BBS9: variants seen among roughly 807,000 people sequenced by gnomAD.
BBS9 encodes protein PTHB1.
A neutral mutation model predicts 117.7 loss-of-function variants in BBS9; 89 were observed. The ratio of observed to expected loss-of-function variants is 0.76; its 90% CI spans 0.64 to 0.90. The LOEUF is 0.90. Ranked by LOEUF, BBS9 falls within the 40% of genes least tolerant of loss-of-function variation. BBS9 has a pLI of 0.00. For synonymous variants in BBS9, 379 were observed against 370.9 expected, an observed-to-expected ratio of 1.02 and a Z score of -0.25; for missense variants, 982 against 1,042.2, an observed-to-expected ratio of 0.94 and a Z score of 0.80.
chr7:33,565,821 A>AC (rs1856813586), intron 21 of BBS9, among the ~76,000 whole-genome samples: 1 of 54,558 alleles, frequency 1.8e-5, no homozygotes, highest in African/African-American at 2.4e-4. Context: ...ATATATATAT[A>AC]TATATACCGC....
chr7:33,330,474 A>G (rs1014813295), intron 9 of BBS9, among the ~76,000 whole-genome samples: 2 of 152,124 alleles, frequency 1.3e-5, no homozygotes, highest in Non-Finnish European at 2.9e-5. Context: ...TTAAAATTTT[A>G]ATGTAGTTTA....
chr7:33,362,705 A>AGC (rs1217525306), intron 16 of BBS9, among the ~76,000 whole-genome samples: 1 of 152,136 alleles, frequency 6.6e-6, no homozygotes, highest in Non-Finnish European at 1.5e-5. Context: ...TAATTTCTCC[A>AGC]ACTTTATTCT....
intron 21 of BBS9, among the ~76,000 whole-genome samples, chr7:33,622,553 C>A (rs1865461297): frequency 6.6e-6 from 1 of 152,076 alleles, no homozygotes; most frequent in African/African-American, 2.4e-5. Context: ...ACTTTGTATA[C>A]CGTAAATATA....
At chr7:33,238,821 A>G (rs1006339934) in intron 5 of BBS9, among the ~76,000 whole-genome samples, 2 of 152,158 alleles carry the variant, frequency 1.3e-5, no homozygotes, top group Non-Finnish European at 2.9e-5. Flanking sequence ...TATTGTGAGC[A>G]TTTCCCCAAG....
At chr7:33,495,848 G>A (rs73688885) in intron 19 of BBS9, among the ~76,000 whole-genome samples, 2,178 of 152,164 alleles carry the variant, frequency 0.014, 60 homozygotes, top group African/African-American at 0.05. Context: ...TGCAGAAATA[G>A]CAAAATTTGT....
At position 33,258,820 on chromosome 7, in the gene BBS9, T is replaced by C. The variant is rs184991950; in HGVS notation, c.617+1410T>C. On this transcript the variant is annotated intron_variant, in intron 6 of 22. Transcript: ENST00000242067. ...AATTTGATAATAACTCTGGGAGTGA[T>C]TGGATAGAGAAGTAATGTGTAGATT... 1.8e-3 allele frequency among the ~76,000 whole-genome samples: 267 copies of C among 152,300 alleles called. 3 individuals are homozygous for C. Among genetic ancestry groups the C allele is most frequent in the Admixed American group, 0.015 (236 of 15,290 alleles).
intron 9 of BBS9, among the ~76,000 whole-genome samples, chr7:33,295,333 C>A (rs1043252637): frequency 6.6e-6 from 1 of 151,900 alleles, no homozygotes. Context: ...AATTACTGAA[C>A]AGCACTTTAA....
At chr7:33,191,534 A>G (rs1784118176) in intron 5 of BBS9, among the ~76,000 whole-genome samples, 1 of 152,220 alleles carries the variant, frequency 6.6e-6, no homozygotes, top group South Asian at 2.1e-4. Flanking sequence ...AGGAGAGGCC[A>G]GCAGTGGTGA....
intron 19 of BBS9, among the ~76,000 whole-genome samples, chr7:33,392,706 A>G (rs1346487251): frequency 2.1e-5 from 3 of 143,932 alleles, no homozygotes; most frequent in African/African-American, 8.8e-5. Context: ...TAACCCTTCA[A>G]TTTAGTTTTT....
chr7:33,253,716 A>G (rs1796587073), intron 5 of BBS9, among the ~76,000 whole-genome samples: 1 of 152,178 alleles, frequency 6.6e-6, no homozygotes, highest in Non-Finnish European at 1.5e-5. Flanking sequence ...CGTGACTTTC[A>G]TCTCTGAGGC....
chr7:33,273,122 T>G lies in BBS9; in HGVS notation c.813T>G (p.Leu271=), dbSNP rs750977377. The change falls in exon 8 of 23, where the codon CTT becomes CTG. Residue 271 remains leucine, a synonymous_variant. Transcript: ENST00000242067. ...FVLGERNFFC[L]KDNGQIRFMK... is the part of the protein sequence containing the mutation. ...TTGGTGAGAGAAACTTTTTTTGCCT[T>G]AAGGATAATGGACAAATTCGATTCA... 2.5e-6 allele frequency: 4 copies of G among 1,613,600 alleles called. No homozygotes were observed. The highest frequency in any genetic ancestry group is 1.7e-5 in the Admixed American group (1 of 59,990).
intron 9 of BBS9, among the ~76,000 whole-genome samples, chr7:33,313,978 T>C: frequency 6.6e-6 from 1 of 152,202 alleles, no homozygotes. Context: ...GTGTTCAGAA[T>C]GAGCTGTGTA....
At chr7:33,469,407 C>T (rs551440451) in intron 19 of BBS9, among the ~76,000 whole-genome samples, 1 of 152,258 alleles carries the variant, frequency 6.6e-6, no homozygotes, top group African/African-American at 2.4e-5. Context: ...CCATTTTCTT[C>T]ATCCACATCA....
chr7:33,177,817 C>CA (rs1797551263), intron 5 of BBS9: 1 of 502,280 alleles, frequency 2.0e-6, no homozygotes, highest in Admixed American at 3.4e-5. Context: ...CTGGTTAGTA[C>CA]TTGGATAGGA....
chr7:33,620,688 C>T (rs944734890), intron 21 of BBS9, among the ~76,000 whole-genome samples: 1 of 152,062 alleles, frequency 6.6e-6, no homozygotes, highest in Admixed American at 6.6e-5. Context: ...AGATTCAATA[C>T]AAACCCATCA....
chr7:33,635,091 G>A (rs1340362190), intron 21 of BBS9, among the ~76,000 whole-genome samples: 3 of 152,180 alleles, frequency 2.0e-5, no homozygotes, highest in Non-Finnish European at 4.4e-5. Context: ...GCTGCGATCT[G>A]TGTGAGGGAC....
chr7:33,481,211 G>T (rs1842475069), intron 19 of BBS9, among the ~76,000 whole-genome samples: 1 of 152,172 alleles, frequency 6.6e-6, no homozygotes, highest in African/African-American at 2.4e-5. Flanking sequence ...ACAAGTTAAT[G>T]TATGGTAGTG....
chr7:33,417,556 A>G (rs1490851629), intron 19 of BBS9, among the ~76,000 whole-genome samples: 2 of 152,236 alleles, frequency 1.3e-5, no homozygotes, highest in African/African-American at 4.8e-5. Context: ...TGTAGTGACT[A>G]CCGAAAATGC....
intron 1 of BBS9, 36 bp from the exon 2 acceptor site, chr7:33,146,206 G>A (rs375087794): frequency 8.0e-6 from 11 of 1,380,176 alleles, no homozygotes; most frequent in Non-Finnish European, 6.2e-6. Flanking sequence ...TTAGTTCATA[G>A]TGTGAAGTAG....
Sources: allele counts gnomAD v4.1 joint callset (sites outside exome capture counted in the v4.1 genomes callset), GRCh38; gene constraint gnomAD v4.1.1; transcripts MANE v1.5; gene names NCBI Gene and HGNC (gene_info 2026-07-23, HGNC 2026-07-21).